The following HECW1 variants were observed in gnomAD, a reference collection of about 807,000 sequenced individuals.
HECW1 encodes the protein HECT, C2 and WW domain containing E3 ubiquitin protein ligase 1.
In HECW1, 61 loss-of-function variants were observed where a neutral mutation model predicts 182.3. The ratio of observed to expected loss-of-function variants is 0.33; its 90% confidence interval spans 0.27 to 0.41. The LOEUF (loss-of-function observed/expected upper bound fraction) is 0.41, where lower values mean the gene tolerates loss of function less well. HECW1 is among the 10% of genes least tolerant of loss of function. HECW1 has a pLI of 1.00. For missense variants in HECW1, 1,739 were observed against 2,108.9 expected, an observed-to-expected ratio of 0.82 and a Z score of 3.44; for synonymous variants, 859 against 832.6, an observed-to-expected ratio of 1.03 and a Z score of -0.55.
intron 3 of HECW1, 184 bp from the exon 4 acceptor site, chr7:43,311,579 C>A (rs554590377): frequency 2.6e-6 from 2 of 764,048 alleles, no homozygotes; most frequent in South Asian, 2.7e-5. Flanking sequence ...TTGCTGTCCC[C>A]GTGTGAACCC....
intron 24 of HECW1, among the ~76,000 whole-genome samples, chr7:43,516,751 T>C (rs189495854): frequency 3.2e-3 from 495 of 152,332 alleles, no homozygotes; most frequent in South Asian, 0.014. Context: ...TGCGTGAACA[T>C]CATAGAGTGG....
At chr7:43,454,961 T>C (rs1434135438) in intron 12 of HECW1, among the ~76,000 whole-genome samples, 2 of 152,190 alleles carry the variant, frequency 1.3e-5, no homozygotes, top group African/African-American at 2.4e-5. Flanking sequence ...CAATGTGATA[T>C]GTGGACTCTA....
intron 6 of HECW1, among the ~76,000 whole-genome samples, chr7:43,363,378 C>T (rs950175782): frequency 2.6e-5 from 4 of 152,208 alleles, no homozygotes; most frequent in African/African-American, 9.7e-5. Flanking sequence ...CTTTGTCATT[C>T]CACATGAGCT....
At chr7:43,266,964 G>T (rs1338078788) in intron 3 of HECW1, among the ~76,000 whole-genome samples, 1 of 152,180 alleles carries the variant, frequency 6.6e-6, no homozygotes, top group African/African-American at 2.4e-5. Flanking sequence ...ATAATCTACA[G>T]TGACAAAGGA....
At position 43,190,348 on chromosome 7, in the gene HECW1, A is replaced by C. The variant is rs147116893; in HGVS notation, c.-31-53527A>C. Among the ~76,000 whole-genome samples the C allele has an allele frequency of 8.2e-3, 1,241 of 152,214 alleles. 20 individuals are homozygous for C. The highest frequency in any genetic ancestry group is 0.028 in the African/African-American group (1,177 of 41,550). Reference sequence around the variant, plus strand: ...AGGCTGGTCTTGAACTCCTGACCTCATGATCCGCCCACCTTGGCCTCCCAA... The same window carrying C: ...AGGCTGGTCTTGAACTCCTGACCTCCTGATCCGCCCACCTTGGCCTCCCAA... On this transcript the variant is annotated intron_variant, in intron 2 of 29. Coordinates refer to ENST00000395891, the MANE Select transcript of HECW1 (RefSeq NM_015052.5).
intron 26 of HECW1, among the ~76,000 whole-genome samples, chr7:43,542,516 G>C (rs1323005401): frequency 6.6e-6 from 1 of 150,612 alleles, no homozygotes. Flanking sequence ...TTCATTATGT[G>C]TATATTATAT....
intron 8 of HECW1, among the ~76,000 whole-genome samples, chr7:43,422,665 G>C (rs1261312663): frequency 6.6e-6 from 1 of 152,098 alleles, no homozygotes; most frequent in South Asian, 2.1e-4. Context: ...CACAGCACCC[G>C]GCCTTTAGAG....
At chr7:43,280,533 T>G (rs889298121) in intron 3 of HECW1, among the ~76,000 whole-genome samples, 25 of 152,176 alleles carry the variant, frequency 1.6e-4, no homozygotes, top group Admixed American at 1.4e-3. Flanking sequence ...ATTTGATGAA[T>G]TGTAGTTCCT....
Position 43,520,725 on chromosome 7 carries a change from AAG to A in HECW1, c.4019+11605_4019+11606del. Among the ~76,000 whole-genome samples, 2 of 152,068 alleles carry A rather than the reference AAG, an allele frequency of 1.3e-5. 1 individual carries two copies. Among genetic ancestry groups the A allele is most frequent in the Non-Finnish European group, 2.9e-5 (2 of 67,996 alleles). On this transcript the variant is annotated intron_variant, in intron 24 of 29. Transcript: ENST00000395891. ...TTGTTCTCCAATCTAGAACAGACGA[AAG>A]TGAAGCCTTGCCTCTGGCAAGGAGG... is the stretch of plus-strand genomic sequence containing the variant.
At chr7:43,381,075 C>T (rs1303545043) in intron 6 of HECW1, among the ~76,000 whole-genome samples, 1 of 152,082 alleles carries the variant, frequency 6.6e-6, no homozygotes, top group Admixed American at 6.5e-5. Flanking sequence ...TTGTATCTTC[C>T]TGATGATTAA....
rs546484760 is a variant in HECW1 at position 43,141,102 on chromosome 7, C to T, written c.-32+26711C>T. 3.9e-5 allele frequency among the ~76,000 whole-genome samples: 6 copies of T among 152,284 alleles called. No individual in the cohort carries two copies. The East Asian group carries it at 7.7e-4, about 20-fold the overall frequency. ...ACACAGACATTCAGTTCATAACACC[C>T]GTCTTTGGTATGGAGAAAGCTGACC... On this transcript the variant is annotated intron_variant, in intron 2 of 29. Transcript: ENST00000395891.
chr7:43,194,141 C>T (rs190925371), intron 2 of HECW1, among the ~76,000 whole-genome samples: 185 of 152,058 alleles, frequency 1.2e-3, no homozygotes, highest in African/African-American at 4.1e-3. Flanking sequence ...TATCATGAGG[C>T]GTGTCCCATA....
chr7:43,361,057 CGTGTGTGTGTGTGTGT>C (rs3032904), intron 6 of HECW1, 77 bp downstream of exon 6: 46 of 638,024 alleles, frequency 7.2e-5, no homozygotes, highest in Non-Finnish European at 1.1e-4. Flanking sequence ...CTTGTGCGTG[CGTGTGTGTGTGTGTGT>C]GTGTGTGTGT....
Position 43,112,824 on chromosome 7 carries a change from C to T in HECW1, c.-380C>T, listed in dbSNP as rs1784722313. ...AGCGAGAGCGGGCGGTCGCCAGGGT[C>T]CCCTCCCCAGCCAGTCCCAGGCGCC... is the stretch of plus-strand genomic sequence containing the variant. On this transcript the variant is annotated 5_prime_UTR_variant, in exon 1 of 30. Transcript: ENST00000395891. 4.4e-6 allele frequency: 1 copy of T among 229,102 alleles called. No homozygotes were observed. The highest frequency in any genetic ancestry group is 8.7e-6 in the Non-Finnish European group (1 of 115,314). The allele number at this position is 229,102 out of a possible 1,614,324, so 14.2% of individuals were successfully genotyped here.
At chr7:43,503,289 G>A (rs2079442284) in intron 21 of HECW1, among the ~76,000 whole-genome samples, 1 of 152,174 alleles carries the variant, frequency 6.6e-6, no homozygotes, top group South Asian at 2.1e-4. Flanking sequence ...TACTTTTGGG[G>A]AGCGAAGACA....
chr7:43,117,237 C>G (rs1785126467), intron 2 of HECW1, among the ~76,000 whole-genome samples: 1 of 152,188 alleles, frequency 6.6e-6, no homozygotes, highest in Non-Finnish European at 1.5e-5. Context: ...ATTCTCACCA[C>G]TGAGTATGTT....
intron 5 of HECW1, among the ~76,000 whole-genome samples, chr7:43,325,598 G>A (rs1167677273): frequency 6.6e-6 from 1 of 152,180 alleles, no homozygotes; most frequent in African/African-American, 2.4e-5. Flanking sequence ...CTGCCAAAGG[G>A]GCTGCCCTTC....
chr7:43,315,921 T>C (rs1584451798), intron 4 of HECW1, among the ~76,000 whole-genome samples: 1 of 152,208 alleles, frequency 6.6e-6, no homozygotes, highest in Non-Finnish European at 1.5e-5. Flanking sequence ...TTTTTTCTGA[T>C]GGGTGTAGGA....
rs1250541542 is a variant in HECW1 at position 43,483,544 on chromosome 7, A to T, written c.3234+3800A>T. On this transcript the variant is annotated intron_variant, in intron 17 of 29. Transcript: ENST00000395891. The stretch of plus-strand genomic sequence containing the variant: ...GGTTTCCTAACAGTCATCCATGCAA[A>T]CTCTTTTTTTTTTTTTTTTTTTGAG... 2.9e-5 allele frequency among the ~76,000 whole-genome samples: 3 copies of T among 102,388 alleles called. No individual in the cohort carries two copies. The Admixed American group carries it at 3.1e-4, about 11-fold the overall frequency. The allele number at this position is 102,388 out of a possible 152,430, so 67.2% of individuals were successfully genotyped here. A position where few individuals can be genotyped will look rare whatever the true frequency, so the allele number is the denominator to read the frequency against.
Sources: allele counts gnomAD v4.1 joint callset (sites outside exome capture counted in the v4.1 genomes callset), GRCh38; gene constraint gnomAD v4.1.1; transcripts MANE v1.5; gene names NCBI Gene and HGNC (gene_info 2026-07-23, HGNC 2026-07-21).